Variants in OTUD7A observed in about 807,000 individuals in gnomAD.
OTUD7A encodes the protein OTU deubiquitinase 7A.
OTUD7A carries 12 observed loss-of-function variants against 65.7 expected under a neutral mutation model. That is an observed-to-expected ratio of 0.18 (90% CI 0.12 to 0.30). OTUD7A has a LOEUF of 0.30. OTUD7A is among the 10% of genes least tolerant of loss of function. The pLI is 1.00. For missense variants in OTUD7A, 1,148 were observed against 1,304.8 expected, an observed-to-expected ratio of 0.88 and a Z score of 1.85; for synonymous variants, 641 against 586.3, an observed-to-expected ratio of 1.09 and a Z score of -1.35.
intron 8 of OTUD7A, among the ~76,000 whole-genome samples, chr15:31,526,052 G>C (rs10851582): frequency 0.73 from 111,450 of 152,206 alleles, 41,633 homozygotes; most frequent in African/African-American, 0.9. Flanking sequence ...CCCAACTGTT[G>C]TGCACAATAA....
chr15:31,866,250 G>A (rs1040841748), intron 1 of OTUD7A, among the ~76,000 whole-genome samples: 1 of 152,208 alleles, frequency 6.6e-6, no homozygotes, highest in Non-Finnish European at 1.5e-5. Flanking sequence ...TTTGCCAAGA[G>A]GAACCTAGAG....
At position 31,483,470 on chromosome 15, in the gene OTUD7A, C is replaced by T; in HGVS notation, c.2626G>A (p.Ala876Thr). Residue 876 changes from alanine (A) to threonine (T), a missense_variant, in exon 13 of 13, where the codon GCG becomes ACG. By Grantham distance (58) the Ala-to-Thr change is moderately conservative. Transcript: ENST00000307050. ...RDGLEFADADAPTARSNGECG... is the reference protein window; with the variant it reads ...RDGLEFADADTPTARSNGECG... ...TCACCGTTCGAGCGCGCGGTCGGCG[C>T]GTCGGCGTCGGCGAACTCCAGGCCG... The T allele has an allele frequency of 7.2e-7, 1 of 1,385,328 alleles. No individual in the cohort carries two copies. 85.8% of individuals were successfully genotyped at this position (1,385,328 alleles called of 1,614,324 possible).
At chr15:31,792,782 C>T (rs1195004114) in intron 1 of OTUD7A, among the ~76,000 whole-genome samples, 1 of 152,222 alleles carries the variant, frequency 6.6e-6, no homozygotes, top group African/African-American at 2.4e-5. Context: ...CACCTCTATG[C>T]CTCAGGGAAC....
chr15:31,700,262 G>A (rs1419070546), intron 1 of OTUD7A, among the ~76,000 whole-genome samples: 1 of 150,906 alleles, frequency 6.6e-6, no homozygotes, highest in African/African-American at 2.4e-5. Context: ...TTGGATAACT[G>A]ATTTATACTC....
At chr15:31,723,244 C>T (rs887281802) in intron 1 of OTUD7A, among the ~76,000 whole-genome samples, 5 of 152,200 alleles carry the variant, frequency 3.3e-5, no homozygotes, top group South Asian at 4.1e-4. Context: ...CAGCCAACTA[C>T]TCAGCTGATG....
chr15:31,869,126 A>G (rs1393761021), intron 1 of OTUD7A, among the ~76,000 whole-genome samples: 1 of 152,240 alleles, frequency 6.6e-6, no homozygotes, highest in East Asian at 1.9e-4. Context: ...TCCCATAAGA[A>G]TTGGTACTAA....
At chr15:31,593,910 G>A (rs1416843912) in intron 3 of OTUD7A, among the ~76,000 whole-genome samples, 2 of 152,090 alleles carry the variant, frequency 1.3e-5, no homozygotes, top group Non-Finnish European at 1.5e-5. Context: ...GGAATAAAAC[G>A]TCATGCTGCA....
intron 5 of OTUD7A, among the ~76,000 whole-genome samples, chr15:31,539,718 A>T (rs1039729773): frequency 2.0e-5 from 3 of 152,224 alleles, no homozygotes; most frequent in Non-Finnish European, 4.4e-5. Context: ...TTTTCAGAAG[A>T]AGTGAAGTAT....
intron 12 of OTUD7A, among the ~76,000 whole-genome samples, chr15:31,485,353 A>G (rs1280609902): frequency 1.3e-5 from 2 of 152,214 alleles, no homozygotes; most frequent in Non-Finnish European, 2.9e-5. Context: ...AGGGATGCCA[A>G]ATCGCTTCAG....
intron 1 of OTUD7A, among the ~76,000 whole-genome samples, chr15:31,769,980 T>A (rs925559335): frequency 5.9e-5 from 9 of 152,058 alleles, no homozygotes; most frequent in African/African-American, 2.2e-4. Context: ...AAAATAAAAT[T>A]AAAAATGTAA....
At chr15:31,812,768 C>T (rs1454223880) in intron 1 of OTUD7A, among the ~76,000 whole-genome samples, 1 of 152,184 alleles carries the variant, frequency 6.6e-6, no homozygotes, top group African/African-American at 2.4e-5. Context: ...GTATAACTGC[C>T]AAGTGTGAAG....
At chr15:31,772,635 GC>G (rs902610342) in intron 1 of OTUD7A, among the ~76,000 whole-genome samples, 1 of 152,178 alleles carries the variant, frequency 6.6e-6, no homozygotes, top group African/African-American at 2.4e-5. Flanking sequence ...ACATTTGAAA[GC>G]CCCCCAGCTG....
chr15:31,613,199 A>AC (rs943721518), intron 3 of OTUD7A, among the ~76,000 whole-genome samples: 3 of 152,244 alleles, frequency 2.0e-5, no homozygotes, highest in Non-Finnish European at 2.9e-5. Context: ...ATTCTAGAAG[A>AC]TAACATTGGA....
chr15:31,668,549 C>T (rs185352143), intron 1 of OTUD7A, among the ~76,000 whole-genome samples: 14 of 152,214 alleles, frequency 9.2e-5, no homozygotes, highest in Admixed American at 3.9e-4. Context: ...TCTCCCTTCC[C>T]TTCTTTTATT....
At chr15:31,529,632 C>T (rs6493741) in intron 6 of OTUD7A, among the ~76,000 whole-genome samples, 79,631 of 152,008 alleles carry the variant, frequency 0.52, 20,933 homozygotes, top group East Asian at 0.69. Context: ...CTGGGGAATG[C>T]TTCCCTTGTT....
chr15:31,846,117 T>C (rs1354705708), intron 1 of OTUD7A, among the ~76,000 whole-genome samples: 1 of 152,250 alleles, frequency 6.6e-6, no homozygotes, highest in East Asian at 1.9e-4. Flanking sequence ...ACCTTTGTCC[T>C]TCAGACTCTC....
chr15:31,544,153 C>T (rs1230821996), intron 5 of OTUD7A, among the ~76,000 whole-genome samples: 2 of 151,356 alleles, frequency 1.3e-5, no homozygotes, highest in Admixed American at 1.3e-4. Flanking sequence ...AAATAATAAA[C>T]CAAAATGAAA....
chr15:31,766,966 A>C, intron 1 of OTUD7A: 1 of 1,611,692 alleles, frequency 6.2e-7, no homozygotes, highest in Non-Finnish European at 8.5e-7. Flanking sequence ...CATACTACTT[A>C]ACCCTATTAA....
chr15:31,820,882 T>C (rs1896661875), intron 1 of OTUD7A, among the ~76,000 whole-genome samples: 1 of 152,182 alleles, frequency 6.6e-6, no homozygotes, highest in African/African-American at 2.4e-5. Context: ...TGTGCAACCA[T>C]CGGCACAATC....
Sources: allele counts gnomAD v4.1 joint callset (sites outside exome capture counted in the v4.1 genomes callset), GRCh38; gene constraint gnomAD v4.1.1; transcripts MANE v1.5; gene names NCBI Gene and HGNC (gene_info 2026-07-23, HGNC 2026-07-21).